The following MLLT3 variants were observed in gnomAD, a reference collection of about 807,000 sequenced individuals.
MLLT3 encodes protein AF-9.
Under a neutral mutation model 53.2 loss-of-function variants are expected in MLLT3, and 4 were observed. The ratio of observed to expected loss-of-function variants is 0.08; its 90% CI spans 0.04 to 0.17. The LOEUF is 0.17. MLLT3 is among the 10% of genes least tolerant of loss of function. MLLT3 has a pLI of 1.00. For synonymous variants in MLLT3, 283 were observed against 230.6 expected (o/e 1.23, Z -2.06); for missense variants, 569 against 684.0 (o/e 0.83, Z 1.87).
chr9:20,469,504 C>T lies in MLLT3; in HGVS notation c.194-12718G>A, dbSNP rs148668838. On this transcript the variant is annotated intron_variant, in intron 2 of 10. Transcript: ENST00000380338. ...CAATCTTAATAGTATTCCAGAACAGCGTGCCCATATGAAAGATAGGTTGAT... is the reference window on the plus strand; with the variant it reads ...CAATCTTAATAGTATTCCAGAACAGTGTGCCCATATGAAAGATAGGTTGAT... Among the ~76,000 whole-genome samples the T allele has an allele frequency of 1.5e-3, 230 of 152,090 alleles. 1 individual carries two copies. The highest frequency in any genetic ancestry group is 5.4e-3 in the African/African-American group (223 of 41,500).
intron 2 of MLLT3, among the ~76,000 whole-genome samples, chr9:20,603,700 T>A (rs1003015399): frequency 9.9e-5 from 15 of 152,070 alleles, no homozygotes; most frequent in African/African-American, 3.6e-4. Flanking sequence ...GGCTGGAAAG[T>A]CCGTTAGTAC....
chr9:20,374,703 T>TA (rs1563941628), intron 5 of MLLT3, among the ~76,000 whole-genome samples: 1 of 152,176 alleles, frequency 6.6e-6, no homozygotes, highest in Non-Finnish European at 1.5e-5. Flanking sequence ...AAAAGATATA[T>TA]AAAAATGAGA....
Position 20,621,776 on chromosome 9 carries a change from C to A in MLLT3, c.12+469G>T. The A allele has an allele frequency of 6.7e-7, 1 of 1,481,824 alleles. No individual in the cohort carries two copies. The highest frequency in any genetic ancestry group is 8.9e-7 in the Non-Finnish European group (1 of 1,125,078). The allele number at this position is 1,481,824 out of a possible 1,614,324, so 91.8% of individuals were successfully genotyped here. On this transcript the variant is annotated intron_variant, in intron 1 of 10. Transcript: ENST00000380338. The surrounding 1 kb of genome is among the most constrained non-coding windows in gnomAD (Gnocchi z 7.0). ...ACGCGCGCCGCGGAGAACGCACCATCGTAGCGGCCGCGGCGCTTTGCGGAG... is the reference window on the plus strand; with the variant it reads ...ACGCGCGCCGCGGAGAACGCACCATAGTAGCGGCCGCGGCGCTTTGCGGAG...
chr9:20,536,850 GA>G lies in MLLT3; in HGVS notation c.194-80065del, dbSNP rs533826972. Among the ~76,000 whole-genome samples the G allele has an allele frequency of 4.5e-3, 536 of 117,902 alleles. 9 individuals are homozygous for G. The highest frequency in any genetic ancestry group is 0.025 in the Admixed American group (292 of 11,670). The allele number at this position is 117,902 out of a possible 152,430, so 77.3% of individuals were successfully genotyped here. A position where few individuals can be genotyped will look rare whatever the true frequency, so the allele number is the denominator to read the frequency against. ...CCTGCAGGTAGTAGCTGTTTAACTA[GA>G]AAAAAAAAAAAAAACTGCCAACAAG... is the stretch of plus-strand genomic sequence containing the variant. On this transcript the variant is annotated intron_variant, in intron 2 of 10. Transcript: ENST00000380338.
intron 5 of MLLT3, among the ~76,000 whole-genome samples, chr9:20,408,873 T>G (rs1423673283): frequency 6.6e-6 from 1 of 152,124 alleles, no homozygotes; most frequent in Non-Finnish European, 1.5e-5. Context: ...AAGGGAAGTT[T>G]TTTTTTTCCT....
intron 2 of MLLT3, among the ~76,000 whole-genome samples, chr9:20,468,926 G>C (rs1225876739): frequency 6.6e-6 from 1 of 152,066 alleles, no homozygotes; most frequent in African/African-American, 2.4e-5. Context: ...AAAACGAAGG[G>C]ATTTAAAATC....
chr9:20,494,548 A>T (rs557982659), intron 2 of MLLT3, among the ~76,000 whole-genome samples: 1 of 152,298 alleles, frequency 6.6e-6, no homozygotes, highest in African/African-American at 2.4e-5. Flanking sequence ...ATATAATCTA[A>T]TTGCCTGAAG....
intron 5 of MLLT3, among the ~76,000 whole-genome samples, chr9:20,382,865 G>T (rs1821939067): frequency 6.6e-6 from 1 of 151,480 alleles, no homozygotes; most frequent in South Asian, 2.1e-4. Flanking sequence ...AAATGACTAT[G>T]TAAAGATTGC....
intron 5 of MLLT3, among the ~76,000 whole-genome samples, chr9:20,392,418 G>C (rs1203609504): frequency 6.6e-6 from 1 of 152,092 alleles, no homozygotes; most frequent in Non-Finnish European, 1.5e-5. Context: ...TACAATCTTA[G>C]ATTGAAGTAG....
At chr9:20,348,276 A>G (rs1238351019) in intron 10 of MLLT3, among the ~76,000 whole-genome samples, 1 of 152,152 alleles carries the variant, frequency 6.6e-6, no homozygotes, top group Admixed American at 6.5e-5. Context: ...CTGCCCAACT[A>G]CAATGTTTGC....
At chr9:20,396,181 C>T (rs561493426) in intron 5 of MLLT3, among the ~76,000 whole-genome samples, 1 of 151,784 alleles carries the variant, frequency 6.6e-6, no homozygotes, top group African/African-American at 2.4e-5. Context: ...AAGAGAAAGT[C>T]ATCTCTTTTA....
intron 4 of MLLT3, among the ~76,000 whole-genome samples, chr9:20,447,035 G>A (rs905264127): frequency 6.6e-6 from 1 of 152,044 alleles, no homozygotes; most frequent in East Asian, 1.9e-4. Flanking sequence ...CAGCAGCCTA[G>A]CAAAACAGAA....
chr9:20,497,267 CT>C (rs1252430171), intron 2 of MLLT3, among the ~76,000 whole-genome samples: 1 of 152,166 alleles, frequency 6.6e-6, no homozygotes, highest in East Asian at 1.9e-4. Context: ...TTTCAATGTT[CT>C]TTTTGCTCTA....
At chr9:20,519,192 G>A (rs1817994206) in intron 2 of MLLT3, among the ~76,000 whole-genome samples, 1 of 152,070 alleles carries the variant, frequency 6.6e-6, no homozygotes, top group Admixed American at 6.5e-5. Flanking sequence ...AAAGATATTA[G>A]TAGAAAAACT....
Position 20,440,480 on chromosome 9 carries a change from G to A in MLLT3, c.420+7643C>T, listed in dbSNP as rs116763023. Among the ~76,000 whole-genome samples the A allele has an allele frequency of 4.5e-3, 686 of 152,116 alleles. 10 individuals carry two copies. Among genetic ancestry groups the A allele is most frequent in the African/African-American group, 0.015 (643 of 41,526 alleles). The stretch of plus-strand genomic sequence containing the variant: ...AAACAAAATGTTAATCATAGCCCCC[G>A]TTCTCCTCCTCAATTTCCCCTAAAA... On this transcript the variant is annotated intron_variant, in intron 4 of 10. Coordinates refer to ENST00000380338, the MANE Select transcript of MLLT3 (RefSeq NM_004529.4).
chr9:20,481,680 C>A (rs936519978), intron 2 of MLLT3, among the ~76,000 whole-genome samples: 1 of 152,178 alleles, frequency 6.6e-6, no homozygotes, highest in South Asian at 2.1e-4. Flanking sequence ...GCCTACCATG[C>A]AGATCCTTCA....
intron 5 of MLLT3, among the ~76,000 whole-genome samples, chr9:20,410,273 C>G (rs184323989): frequency 6.6e-6 from 1 of 152,236 alleles, no homozygotes; most frequent in South Asian, 2.1e-4. Flanking sequence ...GAGAAAAAAT[C>G]TCTTTCAAAG....
intron 2 of MLLT3, among the ~76,000 whole-genome samples, chr9:20,528,482 G>C (rs1467006778): frequency 2.6e-5 from 4 of 152,202 alleles, no homozygotes; most frequent in African/African-American, 9.7e-5. Context: ...CACAGTTCTG[G>C]AGGCGAGTAG....
At position 20,558,825 on chromosome 9, in the gene MLLT3, C is replaced by G. The variant is rs117548535; in HGVS notation, c.193+61829G>C. ...AAACTGTTGGCATCATTTGCATCAG[C>G]AAGCTCTGTTTCCACAAGACTGGGA... On this transcript the variant is annotated intron_variant, in intron 2 of 10. Transcript: ENST00000380338. Among the ~76,000 whole-genome samples, 702 of 152,352 alleles carry G rather than the reference C, an allele frequency of 4.6e-3. 7 individuals carry two copies. The highest frequency in any genetic ancestry group is 4.3e-3 in the Non-Finnish European group (293 of 68,036).
Sources: gnomAD v4.1 joint callset for allele counts (sites outside exome capture counted in the v4.1 genomes callset) on GRCh38, gnomAD v4.1.1 for gene constraint, Gnocchi (gnomAD v3.1) non-coding constraint, MANE v1.5 for transcripts, NCBI Gene and HGNC (gene_info 2026-07-23, HGNC 2026-07-21) for gene names.